GPR135: variants seen among roughly 807,000 people sequenced by gnomAD.
The protein encoded by GPR135 is G-protein coupled receptor 135.
A neutral mutation model predicts 15.0 loss-of-function variants in GPR135; 17 were observed. The observed-to-expected ratio is 1.13, with a 90% CI of 0.78 to 1.70. GPR135 has a LOEUF of 1.70. Ranked by LOEUF, GPR135 falls within the 40% of genes most tolerant of loss-of-function variation. The pLI, the probability that GPR135 is intolerant of heterozygous loss-of-function variation, is 0.00. For synonymous variants in GPR135, 368 were observed against 349.4 expected (o/e 1.05, Z -0.59); for missense variants, 776 against 727.0 (o/e 1.07, Z -0.78).
At position 59,464,723 on chromosome 14, in the gene GPR135, G is replaced by C; in HGVS notation, c.504C>G (p.Pro168=). The C allele has an allele frequency of 1.3e-6, 2 of 1,565,660 alleles. No homozygotes were observed. Among genetic ancestry groups the C allele is most frequent in the Non-Finnish European group, 1.7e-6 (2 of 1,157,350 alleles). ...CGGCGGCGGCAGGCGCCGAACCCCC[G>C]GGCGGAGTGAAGAGGTCCAGGAAGG... is the stretch of plus-strand genomic sequence containing the variant. ...PAAFLDLFTP[P]GGSAPAAAAG... The change falls in exon 1 of 1, where the codon CCC becomes CCG. Residue 168 remains proline (P), a synonymous_variant. Transcript: ENST00000395116.
Position 59,463,670 on chromosome 14 carries a change from T to G in GPR135, c.*72A>C. ...TTTGGCTTTATGAAATCCACAACTC[T>G]CCCCCAGAATCTTCCATCATTAAAT... On this transcript the variant is annotated 3_prime_UTR_variant, in exon 1 of 1. Coordinates refer to ENST00000395116, the MANE Select transcript of GPR135 (RefSeq NM_022571.6). 1 of 1,387,552 alleles carries G rather than the reference T, an allele frequency of 7.2e-7. No individual in the cohort carries two copies. Among genetic ancestry groups the G allele is most frequent in the Non-Finnish European group, 9.7e-7 (1 of 1,026,578 alleles). The allele number at this position is 1,387,552 out of a possible 1,614,324, so 86.0% of individuals were successfully genotyped here. A position where few individuals can be genotyped will look rare whatever the true frequency, so the allele number is the denominator to read the frequency against.
rs1459101950 is a variant in GPR135, at chr14:59,461,015, C to G, written c.*2727G>C. The G allele has an allele frequency of 6.6e-6, 1 of 152,220 alleles. No individual in the cohort carries two copies. Among genetic ancestry groups the G allele is most frequent in the Non-Finnish European group, 1.5e-5 (1 of 68,038 alleles). The allele number at this position is 152,220 out of a possible 1,614,324, so 9.4% of individuals were successfully genotyped here. On this transcript the variant is annotated 3_prime_UTR_variant, in exon 1 of 1. Coordinates refer to ENST00000395116, the MANE Select transcript of GPR135 (RefSeq NM_022571.6). ...CAAGTTCATCTCTTTTCTTTGATAGCCTCTTCTGAAAGTGCTACACCTTTT... is the reference window on the plus strand; with the variant it reads ...CAAGTTCATCTCTTTTCTTTGATAGGCTCTTCTGAAAGTGCTACACCTTTT...
chr14:59,453,696 T>C (rs576905438), intron 6 of GPR135, among the ~76,000 whole-genome samples: 2 of 152,294 alleles, frequency 1.3e-5, no homozygotes, highest in South Asian at 4.1e-4. Context: ...GCCTAGATAA[T>C]GACTTTGGGG....
downstream of GPR135, chr14:59,455,864 A>G (rs1475452994): frequency 2.0e-5 from 3 of 152,226 alleles, no homozygotes; most frequent in South Asian, 2.1e-4. Context: ...AGTGATCATC[A>G]TAACACTATT....
At chr14:59,453,043 G>A (rs190797617) in intron 6 of GPR135, among the ~76,000 whole-genome samples, 56 of 152,312 alleles carry the variant, frequency 3.7e-4, no homozygotes, top group Non-Finnish European at 5.7e-4. Context: ...CATGGAGACC[G>A]TAACAGTAGC....
chr14:59,464,299 G>T lies in GPR135; in HGVS notation c.928C>A (p.Arg310Ser). Residue 310 changes from arginine (R) to serine (S), a missense_variant, in exon 1 of 1, where the codon CGC becomes AGC. By Grantham distance (110) the Arg-to-Ser change is moderately radical. Transcript: ENST00000395116. The part of the protein sequence containing the change: ...ICKTVRLSDV[R>S]VRPVNTYARV... The stretch of plus-strand genomic sequence containing the variant: ...GCGTAGGTGTTCACCGGCCGCACGC[G>T]CACGTCCGACAGGCGCACCGTCTTG... 6.2e-7 allele frequency: 1 copy of T among 1,611,658 alleles called. No individual in the cohort carries two copies.
downstream of GPR135, chr14:59,460,428 C>T (rs922858682): frequency 6.6e-6 from 1 of 151,976 alleles, no homozygotes; most frequent in African/African-American, 2.4e-5. Context: ...CTTTATCTTC[C>T]TTGTCACTTT....
chr14:59,460,191 A>G (rs1239242603), downstream of GPR135, among the ~76,000 whole-genome samples: 2 of 152,164 alleles, frequency 1.3e-5, no homozygotes, highest in East Asian at 1.9e-4. Flanking sequence ...TGCAGTGGGT[A>G]CTAATCTGAT....
rs149867569 is a variant in GPR135, at chr14:59,464,286, A to G, written c.941T>C (p.Val314Ala). The G allele has an allele frequency of 7.1e-5, 115 of 1,611,824 alleles. No individual in the cohort carries two copies. The African/African-American group carries it at 1.4e-3, about 20-fold the overall frequency. ...GCGCAGCACGCGCGCGTAGGTGTTC[A>G]CCGGCCGCACGCGCACGTCCGACAG... The part of the protein sequence containing the change: ...VRLSDVRVRP[V>A]NTYARVLRFF... Residue 314 changes from valine to alanine, a missense_variant, in exon 1 of 1, where the codon GTG becomes GCG. By Grantham distance (64) the Val-to-Ala change is moderately conservative. Coordinates refer to ENST00000395116, the MANE Select transcript of GPR135 (RefSeq NM_022571.6).
Position 59,463,388 on chromosome 14 carries a change from T to C in GPR135, c.*354A>G, listed in dbSNP as rs990261815. 3 of 209,486 alleles carry C rather than the reference T, an allele frequency of 1.4e-5. No individual in the cohort carries two copies. The highest frequency in any genetic ancestry group is 7.0e-5 in the African/African-American group (3 of 43,116). 13.0% of individuals were successfully genotyped at this position (209,486 alleles called of 1,614,324 possible). A position where few individuals can be genotyped will look rare whatever the true frequency, so the allele number is the denominator to read the frequency against. On this transcript the variant is annotated 3_prime_UTR_variant, in exon 1 of 1. Transcript: ENST00000395116. ...AGGTCTCCATTCATTCCTGAAATTC[T>C]GTGTAGTTGAACAATACTGGTTGCA... is the stretch of plus-strand genomic sequence containing the variant.
At chr14:59,458,208 C>T (rs1888730318), downstream of GPR135, among the ~76,000 whole-genome samples, 1 of 152,136 alleles carries the variant, frequency 6.6e-6, no homozygotes, top group Non-Finnish European at 1.5e-5. Context: ...GCCTCTTTTC[C>T]TGATCACTTC....
rs1014818301 is a variant in GPR135, at chr14:59,465,157, G to C, written c.70C>G (p.Pro24Ala). The C allele has an allele frequency of 5.2e-6, 7 of 1,333,580 alleles. No individual in the cohort carries two copies. Among genetic ancestry groups the C allele is most frequent in the Non-Finnish European group, 6.7e-6 (7 of 1,045,180 alleles). The allele number at this position is 1,333,580 out of a possible 1,614,324, so 82.6% of individuals were successfully genotyped here. ...ALLGSQHSGA[P>A]SAAGPPGGTS... ...CCGCCAGGTGGGCCGGCCGCGGAGG[G>C]GGCGCCGGAGTGCTGGCTGCCCAGT... is the stretch of plus-strand genomic sequence containing the variant. The change falls in exon 1 of 1, where the codon CCC becomes GCC. Residue 24 changes from proline (P) to alanine (A), a missense_variant. Transcript: ENST00000395116.
chr14:59,464,280 G>A lies in GPR135; in HGVS notation c.947C>T (p.Thr316Ile). The A allele has an allele frequency of 1.2e-6, 2 of 1,612,132 alleles. No individual in the cohort carries two copies. Residue 316 changes from threonine (T) to isoleucine (I), a missense_variant, in exon 1 of 1, where the codon ACC (threonine) becomes ATC (isoleucine). Physicochemically the swap from Thr to Ile is moderately conservative, Grantham distance 89. Coordinates refer to ENST00000395116, the MANE Select transcript of GPR135 (RefSeq NM_022571.6). The stretch of plus-strand genomic sequence containing the variant: ...GAAGAAGCGCAGCACGCGCGCGTAG[G>A]TGTTCACCGGCCGCACGCGCACGTC... ...LSDVRVRPVN[T>I]YARVLRFFSE...
chr14:59,456,361 T>C (rs944277186), downstream of GPR135: 3 of 152,252 alleles, frequency 2.0e-5, no homozygotes, highest in African/African-American at 4.8e-5. Context: ...AAATCTGATA[T>C]GTTTTATTCT....
At position 59,455,506 on chromosome 14, in the gene GPR135, C is replaced by T. The variant is rs181947616; in HGVS notation, c.*874+178G>A. ...TTATTATTGTTGTGTAACAAGCTAG[C>T]TCCAAATTTAGCAGCTTAAAACAAT... On this transcript the variant is annotated intron_variant and NMD_transcript_variant, in intron 6 of 6. Coordinates refer to the GPR135 transcript ENST00000481661. Among the ~76,000 whole-genome samples, 11 of 152,320 alleles carry T rather than the reference C, an allele frequency of 7.2e-5. No individual in the cohort carries two copies. The East Asian group carries it at 1.7e-3, about 24-fold the overall frequency.
Position 59,465,304 on chromosome 14 carries a change from C to T in GPR135, c.-78G>A, listed in dbSNP as rs931488209. On this transcript the variant is annotated 5_prime_UTR_variant, in exon 1 of 1. Transcript: ENST00000395116. ...GCTAGGTCGGAGTGGTGGCTCGGGG[C>T]CGGGGGCTAGCGGCCGCCGCGGGGA... 5 of 1,105,462 alleles carry T rather than the reference C, an allele frequency of 4.5e-6. No homozygotes were observed. The highest frequency in any genetic ancestry group is 4.4e-5 in the Admixed American group (1 of 22,838). 68.5% of individuals were successfully genotyped at this position (1,105,462 alleles called of 1,614,324 possible).
At chr14:59,458,801 C>G (rs1383375784), downstream of GPR135, 1 of 152,234 alleles carries the variant, frequency 6.6e-6, no homozygotes, top group Non-Finnish European at 1.5e-5. Context: ...AGCATTTGCT[C>G]TATGAATGGG....
chr14:59,455,994 C>T (rs1017602071), downstream of GPR135, among the ~76,000 whole-genome samples: 1 of 152,200 alleles, frequency 6.6e-6, no homozygotes, highest in Admixed American at 6.5e-5. Flanking sequence ...CTGGGAAGGT[C>T]ATGTCTTCCT....
chr14:59,464,685 C>T lies in GPR135; in HGVS notation c.542G>A (p.Arg181His), dbSNP rs1163878043. The change falls in exon 1 of 1, where the codon CGC (arginine) becomes CAC (histidine). Residue 181 changes from arginine to histidine, a missense_variant. By Grantham distance (29) the Arg-to-His change is conservative (BLOSUM62 0). Transcript: ENST00000395116. ...GAAGCGGCTGGCGGCGCAGAAGCCG[C>T]GCCAGGGCCCCGCGGCGGCGGCAGG... is the stretch of plus-strand genomic sequence containing the variant. ...SAPAAAAGPW[R>H]GFCAASRFFS... 3 of 1,581,100 alleles carry T rather than the reference C, an allele frequency of 1.9e-6. No homozygotes were observed. The highest frequency in any genetic ancestry group is 8.6e-7 in the Non-Finnish European group (1 of 1,168,696).
Sources: gnomAD v4.1 joint callset for allele counts (sites outside exome capture counted in the v4.1 genomes callset) on GRCh38, gnomAD v4.1.1 for gene constraint, MANE v1.5 for transcripts, NCBI Gene and HGNC (gene_info 2026-07-23, HGNC 2026-07-21) for gene names.